Variants in HMGCS1 observed in about 807,000 individuals in gnomAD.
HMGCS1 encodes hydroxymethylglutaryl-CoA synthase, cytoplasmic.
In HMGCS1, 9 loss-of-function variants were observed where a neutral mutation model predicts 52.3. The ratio of observed to expected loss-of-function variants is 0.17; its 90% CI spans 0.10 to 0.30. The LOEUF (loss-of-function observed/expected upper bound fraction) is 0.30. Ranked by LOEUF, HMGCS1 falls within the 10% of genes least tolerant of loss-of-function variation. HMGCS1 has a pLI of 1.00. For synonymous variants in HMGCS1, 176 were observed against 214.4 expected (o/e 0.82, Z 1.57); for missense variants, 320 against 620.9 (o/e 0.52, Z 5.15).
intron 2 of HMGCS1, among the ~76,000 whole-genome samples, chr5:43,303,490 G>A (rs956911697): frequency 3.3e-5 from 5 of 152,226 alleles, no homozygotes; most frequent in Non-Finnish European, 7.3e-5. Flanking sequence ...GCAAACCTAT[G>A]AGATCATAAA....
intron 2 of HMGCS1, among the ~76,000 whole-genome samples, chr5:43,299,407 T>C (rs1235568033): frequency 5.3e-5 from 8 of 151,584 alleles, no homozygotes; most frequent in Non-Finnish European, 1.2e-4. Context: ...CTCAGCACTT[T>C]GGGAGGCTGA....
intron 1 of HMGCS1, among the ~76,000 whole-genome samples, chr5:43,310,690 G>A (rs900887046): frequency 3.3e-5 from 5 of 151,960 alleles, no homozygotes; most frequent in Non-Finnish European, 7.4e-5. Context: ...TATATGTAGT[G>A]TGTCCAGAGT....
At chr5:43,301,460 G>A (rs1754313633) in intron 2 of HMGCS1, among the ~76,000 whole-genome samples, 1 of 152,116 alleles carries the variant, frequency 6.6e-6, no homozygotes, top group African/African-American at 2.4e-5. Context: ...TGGATGGCAA[G>A]CACACATTTA....
intron 2 of HMGCS1, among the ~76,000 whole-genome samples, chr5:43,301,298 G>C (rs1410459557): frequency 6.6e-6 from 1 of 152,192 alleles, no homozygotes; most frequent in Non-Finnish European, 1.5e-5. Context: ...AGAATAACTA[G>C]GTAAGGGTTA....
Position 43,291,178 on chromosome 5 carries a change from T to C in HMGCS1, c.1516A>G (p.Thr506Ala), listed in dbSNP as rs1561106797. 6.2e-7 allele frequency: 1 copy of C among 1,602,296 alleles called. No individual in the cohort carries two copies. The highest frequency in any genetic ancestry group is 8.5e-7 in the Non-Finnish European group (1 of 1,172,874). ...ACAGCTGCTTCAGGTTCTGCTGCTG[T>C]GGCAGGGAGTCTTGGTACTTTCTTG... ...PAKKVPRLPA[T>A]AAEPEAAVIS... Residue 506 changes from threonine to alanine, a missense_variant, in exon 11 of 11, where the codon ACA becomes GCA. This residue lies in a region of HMGCS1 where 213 missense variants were observed against 337.4 expected (regional missense o/e 0.63). Transcript: ENST00000325110.
intron 8 of HMGCS1, 148 bp from the exon 9 acceptor site, chr5:43,293,121 T>TA (rs1397123838): frequency 1.6e-6 from 1 of 639,662 alleles, no homozygotes; most frequent in Admixed American, 3.4e-5. Context: ...GATAAGATGA[T>TA]ACCTATTTGA....
In HMGCS1 at chr5:43,311,684, T is replaced by C. The variant is rs573298239; in HGVS notation, c.-70+1672A>G. ...TGAGAAAAGCTATCTAAAATCTAAG[T>C]CAAAATCTCAAAATCAATCCACAGT... On this transcript the variant is annotated intron_variant, in intron 1 of 10. Coordinates refer to ENST00000325110, the MANE Select transcript of HMGCS1 (RefSeq NM_001098272.3). Among the ~76,000 whole-genome samples the C allele has an allele frequency of 3.6e-3, 554 of 152,178 alleles. 4 individuals are homozygous for C. The highest frequency in any genetic ancestry group is 0.013 in the African/African-American group (535 of 41,440).
intron 2 of HMGCS1, among the ~76,000 whole-genome samples, chr5:43,302,415 A>T (rs932371569): frequency 2.0e-5 from 3 of 152,198 alleles, no homozygotes; most frequent in Admixed American, 2.0e-4. Context: ...ATAGCCCTAG[A>T]TCACATAGGT....
chr5:43,310,789 G>C (rs1345575385), intron 1 of HMGCS1, among the ~76,000 whole-genome samples: 1 of 152,112 alleles, frequency 6.6e-6, no homozygotes, highest in Non-Finnish European at 1.5e-5. Flanking sequence ...CAAGGCATAT[G>C]GTAGGTTTCA....
Position 43,290,945 on chromosome 5 carries a change from C to A in HMGCS1, c.*186G>T. 2 of 551,792 alleles carry A rather than the reference C, an allele frequency of 3.6e-6. No individual in the cohort carries two copies. The highest frequency in any genetic ancestry group is 6.5e-6 in the Non-Finnish European group (2 of 307,052). 34.2% of individuals were successfully genotyped at this position (551,792 alleles called of 1,614,324 possible). Reference sequence around the variant, plus strand: ...GGCCAGACCACAACAGGAAGCATGTCAGCAAATAGAGCAAAGAGACTTTCC... The same window carrying A: ...GGCCAGACCACAACAGGAAGCATGTAAGCAAATAGAGCAAAGAGACTTTCC... On this transcript the variant is annotated 3_prime_UTR_variant, in exon 11 of 11. Transcript: ENST00000325110.
chr5:43,313,369 G>A lies in HMGCS1; in HGVS notation c.-83C>T, dbSNP rs1461209350. 1.3e-5 allele frequency: 2 copies of A among 152,460 alleles called. No homozygotes were observed. The highest frequency in any genetic ancestry group is 1.5e-5 in the Non-Finnish European group (1 of 68,218). The allele number at this position is 152,460 out of a possible 1,614,324, so 9.4% of individuals were successfully genotyped here. On this transcript the variant is annotated 5_prime_UTR_variant, in exon 1 of 11. Transcript: ENST00000325110. ...CGGGACACTCACCAAGCGTGACCGAGCGGCAGCAGAGGAAAGGGAGTGAGC... is the reference window on the plus strand; with the variant it reads ...CGGGACACTCACCAAGCGTGACCGAACGGCAGCAGAGGAAAGGGAGTGAGC...
chr5:43,294,233 G>T, intron 7 of HMGCS1, 71 bp from the exon 8 acceptor site: 1 of 944,200 alleles, frequency 1.1e-6, no homozygotes. Context: ...AGCTATAAAA[G>T]TAGCAATAAA....
rs1753561211 is a variant in HMGCS1, at chr5:43,287,758, T to TCTG, written c.*3370_*3372dup. The TCTG allele has an allele frequency of 6.6e-6, 1 of 152,182 alleles. No individual in the cohort carries two copies. Among genetic ancestry groups the TCTG allele is most frequent in the Admixed American group, 6.6e-5 (1 of 15,262 alleles). The allele number at this position is 152,182 out of a possible 1,614,324, so 9.4% of individuals were successfully genotyped here. A position where few individuals can be genotyped will look rare whatever the true frequency, so the allele number is the denominator to read the frequency against. ...GTGCAATTGGGAGTACCAAACAAGTTCTGCAGACATTCCACGTCAGGGAGG... is the reference window on the plus strand; with the variant it reads ...GTGCAATTGGGAGTACCAAACAAGTTCTGCTGCAGACATTCCACGTCAGGGAGG... On this transcript the variant is annotated 3_prime_UTR_variant, in exon 11 of 11. Coordinates refer to ENST00000325110, the MANE Select transcript of HMGCS1 (RefSeq NM_001098272.3).
rs569920751 is a variant in HMGCS1 at position 43,301,397 on chromosome 5, A to G, written c.-10-2422T>C. Among the ~76,000 whole-genome samples the G allele has an allele frequency of 2.4e-3, 365 of 152,328 alleles. 1 individual carries two copies. The highest frequency in any genetic ancestry group is 8.3e-3 in the African/African-American group (343 of 41,562). The stretch of plus-strand genomic sequence containing the variant: ...GCCATCGGAGAGTTTAAGGAATAAC[A>G]TGGTGATATTAGTTGTCAGGTCAGT... On this transcript the variant is annotated intron_variant, in intron 2 of 10. Coordinates refer to ENST00000325110, the MANE Select transcript of HMGCS1 (RefSeq NM_001098272.3).
intron 6 of HMGCS1, among the ~76,000 whole-genome samples, 164 bp downstream of exon 6, chr5:43,295,588 C>T (rs1258154507): frequency 6.6e-6 from 1 of 152,170 alleles, no homozygotes; most frequent in African/African-American, 2.4e-5. Context: ...TAACTACCAC[C>T]TCTCTGGACT....
chr5:43,304,963 A>G (rs910628566), intron 2 of HMGCS1, among the ~76,000 whole-genome samples: 4 of 151,230 alleles, frequency 2.6e-5, no homozygotes, highest in Non-Finnish European at 5.9e-5. Flanking sequence ...AGAAGAACAG[A>G]AAGTTAATAG....
At position 43,298,335 on chromosome 5, in the gene HMGCS1, A is replaced by ATT; in HGVS notation, c.448+182_448+183insAA. 4 of 663,430 alleles carry ATT rather than the reference A, an allele frequency of 6.0e-6. No homozygotes were observed. Among genetic ancestry groups the ATT allele is most frequent in the South Asian group, 4.0e-5 (2 of 49,528 alleles). The allele number at this position is 663,430 out of a possible 1,614,324, so 41.1% of individuals were successfully genotyped here. On this transcript the variant is annotated intron_variant, in intron 3 of 10. Transcript: ENST00000325110. This position sits in a 1 kb window ranked among gnomAD's most constrained non-coding sequence, Gnocchi z 5.6. Reference sequence around the variant, plus strand: ...AAATTTTGAATAGACCATTTGTCCTACAAGATAAGATAACCAATTCACAAT... The same window carrying ATT: ...AAATTTTGAATAGACCATTTGTCCTATTCAAGATAAGATAACCAATTCACAAT...
chr5:43,300,508 G>C (rs1375078624), intron 2 of HMGCS1, among the ~76,000 whole-genome samples: 1 of 152,150 alleles, frequency 6.6e-6, no homozygotes, highest in Non-Finnish European at 1.5e-5. Flanking sequence ...GGTCTTAAGG[G>C]GCCAGGTGCA....
chr5:43,293,107 A>G, intron 8 of HMGCS1, 134 bp from the exon 9 acceptor site: 1 of 682,164 alleles, frequency 1.5e-6, no homozygotes, highest in South Asian at 1.9e-5. Context: ...CTGATTAGTT[A>G]AAAGATAAGA....
Sources: allele counts gnomAD v4.1 joint callset (sites outside exome capture counted in the v4.1 genomes callset), GRCh38; gene constraint gnomAD v4.1.1; regional missense constraint gnomAD v4.1.1; non-coding constraint Gnocchi (gnomAD v3.1); transcripts MANE v1.5; gene names NCBI Gene and HGNC (gene_info 2026-07-23, HGNC 2026-07-21).